The following LRRC28 variants were observed in gnomAD, a reference collection of about 807,000 sequenced individuals.
The protein encoded by LRRC28 is leucine-rich repeat-containing protein 28.
A neutral mutation model predicts 45.7 loss-of-function variants in LRRC28; 39 were observed. The ratio of observed to expected loss-of-function variants is 0.85; its 90% CI spans 0.66 to 1.12. The LOEUF (loss-of-function observed/expected upper bound fraction) is 1.12. Among genes scored for constraint, LRRC28 ranks in the 50% most tolerant of loss-of-function variants. LRRC28 has a pLI of 0.00. For missense variants in LRRC28, 435 were observed against 438.5 expected (o/e 0.99, Z 0.07); for synonymous variants, 206 against 178.8 (o/e 1.15, Z -1.22).
At chr15:99,327,655 C>G (rs1956028901) in intron 5 of LRRC28, among the ~76,000 whole-genome samples, 1 of 151,570 alleles carries the variant, frequency 6.6e-6, no homozygotes, top group Non-Finnish European at 1.5e-5. Context: ...ATTTTGTTGT[C>G]TTTTTAAAGA....
At chr15:99,382,360 G>A (rs756381949) in intron 9 of LRRC28, among the ~76,000 whole-genome samples, 9 of 152,192 alleles carry the variant, frequency 5.9e-5, no homozygotes, top group Non-Finnish European at 8.8e-5. Context: ...CTGGTGTGCC[G>A]TTTGCTCAGT....
At chr15:99,357,126 C>T (rs963315429) in intron 7 of LRRC28, among the ~76,000 whole-genome samples, 2 of 152,106 alleles carry the variant, frequency 1.3e-5, no homozygotes, top group Admixed American at 1.3e-4. Flanking sequence ...TGTAGTAGCT[C>T]CCACAAAAAT....
At chr15:99,369,083 A>T (rs922199403) in intron 9 of LRRC28, among the ~76,000 whole-genome samples, 1 of 152,144 alleles carries the variant, frequency 6.6e-6, no homozygotes, top group African/African-American at 2.4e-5. Flanking sequence ...CCAATAATAC[A>T]TTCCTCATTT....
chr15:99,336,751 G>A (rs748195671), intron 6 of LRRC28, among the ~76,000 whole-genome samples: 5 of 152,134 alleles, frequency 3.3e-5, no homozygotes, highest in Non-Finnish European at 7.3e-5. Flanking sequence ...TGTTATCTAG[G>A]TCTGTCTTGG....
chr15:99,362,546 T>A (rs1957231998), intron 8 of LRRC28, among the ~76,000 whole-genome samples: 1 of 152,226 alleles, frequency 6.6e-6, no homozygotes, highest in Non-Finnish European at 1.5e-5. Context: ...CAGACTAAGC[T>A]GGGAAGGAAG....
chr15:99,258,731 A>G, intron 2 of LRRC28: 1 of 701,336 alleles, frequency 1.4e-6, no homozygotes. Context: ...TGTGGCTTGT[A>G]TTCACTTTAC....
chr15:99,364,002 G>A (rs1294292938), intron 9 of LRRC28, among the ~76,000 whole-genome samples: 1 of 152,116 alleles, frequency 6.6e-6, no homozygotes, highest in African/African-American at 2.4e-5. Context: ...TTTCATATGA[G>A]TAAATTTTCC....
chr15:99,258,655 C>T, intron 2 of LRRC28: 1 of 747,948 alleles, frequency 1.3e-6, no homozygotes, highest in Non-Finnish European at 2.4e-6. Context: ...TGGCAGAGAC[C>T]ATCCAAGAAG....
At chr15:99,359,310 C>T (rs1478018780) in intron 7 of LRRC28, among the ~76,000 whole-genome samples, 1 of 152,034 alleles carries the variant, frequency 6.6e-6, no homozygotes, top group African/African-American at 2.4e-5. Flanking sequence ...GTGCATATGA[C>T]AAAGGATTGT....
At chr15:99,257,358 A>T (rs1344252785) in intron 2 of LRRC28, among the ~76,000 whole-genome samples, 1 of 152,208 alleles carries the variant, frequency 6.6e-6, no homozygotes, top group Non-Finnish European at 1.5e-5. Flanking sequence ...TTTAACGAGA[A>T]GTGGTATAAG....
rs747700282 is a variant in LRRC28 at position 99,293,593 on chromosome 15, C to CCAAAAAAAAAAAAAA, written c.385+5642_385+5643insCAAAAAAAAAAAAAA. On this transcript the variant is annotated intron_variant, in intron 5 of 9. Coordinates refer to ENST00000301981, the MANE Select transcript of LRRC28 (RefSeq NM_144598.5). ...GGGCAACAAGAACGAAACTCTGTCA[C>CCAAAAAAAAAAAAAA]AAAAAAAAAAAAAAAAAAAAAAAAA... 1.6e-3 allele frequency among the ~76,000 whole-genome samples: 72 copies of CCAAAAAAAAAAAAAA among 44,084 alleles called. 5 individuals are homozygous for CCAAAAAAAAAAAAAA. Among genetic ancestry groups the CCAAAAAAAAAAAAAA allele is most frequent in the Non-Finnish European group, 2.1e-3 (47 of 22,736 alleles). The allele number at this position is 44,084 out of a possible 152,430, so 28.9% of individuals were successfully genotyped here. A position where few individuals can be genotyped will look rare whatever the true frequency, so the allele number is the denominator to read the frequency against.
chr15:99,367,969 AG>A (rs1333811400), intron 9 of LRRC28, among the ~76,000 whole-genome samples: 5 of 152,168 alleles, frequency 3.3e-5, no homozygotes, highest in Admixed American at 2.6e-4. Context: ...GAAGCTACCC[AG>A]GGATTCCCAA....
chr15:99,261,547 G>A (rs1231977055), intron 2 of LRRC28, among the ~76,000 whole-genome samples: 4 of 152,056 alleles, frequency 2.6e-5, no homozygotes, highest in Admixed American at 6.5e-5. Context: ...GTCTCTCCCC[G>A]ACCTCTTTTA....
chr15:99,267,781 T>C (rs1241955341), intron 2 of LRRC28, among the ~76,000 whole-genome samples: 2 of 152,228 alleles, frequency 1.3e-5, no homozygotes, highest in African/African-American at 4.8e-5. Context: ...TTTTCAGATT[T>C]AGAAGCTTTT....
chr15:99,287,530 CTAGT>C (rs1332223172), intron 4 of LRRC28, among the ~76,000 whole-genome samples: 1 of 151,942 alleles, frequency 6.6e-6, no homozygotes, highest in Non-Finnish European at 1.5e-5. Flanking sequence ...TTTAATAAAT[CTAGT>C]TAAGAATTCT....
chr15:99,265,063 G>A (rs2081297194), intron 2 of LRRC28, among the ~76,000 whole-genome samples: 1 of 152,108 alleles, frequency 6.6e-6, no homozygotes, highest in Non-Finnish European at 1.5e-5. Context: ...TGGGGAGAGG[G>A]CAGGTTTGAA....
chr15:99,346,370 G>A (rs2152309812), intron 6 of LRRC28, among the ~76,000 whole-genome samples: 1 of 152,248 alleles, frequency 6.6e-6, no homozygotes, highest in South Asian at 2.1e-4. Context: ...GTATCTTGCT[G>A]TTTCCCAAGC....
chr15:99,294,949 C>T (rs1235352906), intron 5 of LRRC28, among the ~76,000 whole-genome samples: 1 of 152,228 alleles, frequency 6.6e-6, no homozygotes, highest in African/African-American at 2.4e-5. Context: ...TTTCCCTGTG[C>T]CATGGCCCAA....
chr15:99,302,278 C>T (rs1474016850), intron 5 of LRRC28, among the ~76,000 whole-genome samples: 5 of 152,158 alleles, frequency 3.3e-5, no homozygotes, highest in South Asian at 2.1e-4. Flanking sequence ...CTGCCCGCCT[C>T]GGCCTCCCAA....
Sources: gnomAD v4.1 joint callset for allele counts (sites outside exome capture counted in the v4.1 genomes callset) on GRCh38, gnomAD v4.1.1 for gene constraint, MANE v1.5 for transcripts, NCBI Gene and HGNC (gene_info 2026-07-23, HGNC 2026-07-21) for gene names.